Variants in CD3E observed in about 807,000 individuals in gnomAD.
CD3E encodes the protein CD3 epsilon subunit of T-cell receptor complex.
CD3E carries 16 observed loss-of-function variants against 34.7 expected under a neutral mutation model. The ratio of observed to expected loss-of-function variants is 0.46; its 90% CI spans 0.31 to 0.70. The LOEUF (loss-of-function observed/expected upper bound fraction) is 0.70. CD3E is among the 30% of genes least tolerant of loss of function. CD3E has a pLI of 0.05. For missense variants in CD3E, 223 were observed against 253.9 expected (o/e 0.88, Z 0.83); for synonymous variants, 70 against 90.8 (o/e 0.77, Z 1.30).
rs779720983 is a variant in CD3E, at chr11:118,314,458, G to A, written c.531G>A (p.Lys177=). 6.2e-7 allele frequency: 1 copy of A among 1,613,986 alleles called. No individual in the cohort carries two copies. The highest frequency in any genetic ancestry group is 8.5e-7 in the Non-Finnish European group (1 of 1,179,896). ...CTCCTTCCTCCGCAGGACAAAACAAGGAGAGGCCACCACCTGTTCCCAACC... is the reference window on the plus strand; with the variant it reads ...CTCCTTCCTCCGCAGGACAAAACAAAGAGAGGCCACCACCTGTTCCCAACC... ...GAGGRQRGQN[K]ERPPPVPNPD... Residue 177 remains lysine (K), a synonymous_variant, in exon 8 of 9, where the codon AAG becomes AAA. Transcript: ENST00000361763.
intron 6 of CD3E, 48 bp downstream of exon 6, chr11:118,312,914 C>T: frequency 1.9e-6 from 3 of 1,610,256 alleles, no homozygotes; most frequent in Non-Finnish European, 2.5e-6. Flanking sequence ...TAGGGAGGAC[C>T]ATTCAAAAGG....
rs934447043 is a variant in CD3E, at chr11:118,315,492, C to T, written c.574C>T (p.Arg192Trp). 1.2e-6 allele frequency: 2 copies of T among 1,613,490 alleles called. No homozygotes were observed. The highest frequency in any genetic ancestry group is 1.1e-5 in the South Asian group (1 of 90,834). ...PVPNPDYEPI[R>W]KGQRDLYSGL... The stretch of plus-strand genomic sequence containing the variant: ...CTCTCTATTTCACCCCCAGCCCATC[C>T]GGAAAGGCCAGCGGGACCTGTATTC... Residue 192 changes from arginine to tryptophan, a missense_variant, in exon 9 of 9, where the codon CGG (arginine) becomes TGG (tryptophan). By Grantham distance (101) the Arg-to-Trp change is moderately radical (BLOSUM62 -3). Coordinates refer to ENST00000361763, the MANE Select transcript of CD3E (RefSeq NM_000733.4).
intron 6 of CD3E, chr11:118,313,406 T>C (rs1487857886): frequency 1.6e-5 from 7 of 441,168 alleles, no homozygotes. Flanking sequence ...TTTATTCCCA[T>C]GAGTAAAGGG....
chr11:118,311,961 T>C (rs893552481), intron 4 of CD3E, among the ~76,000 whole-genome samples, 192 bp from the exon 5 acceptor site: 1 of 152,180 alleles, frequency 6.6e-6, no homozygotes, highest in Non-Finnish European at 1.5e-5. Flanking sequence ...AGCTACTTAA[T>C]AAATATATCT....
rs1199521236 is a variant in CD3E, at chr11:118,305,153, G to T, written c.49+152G>T. ...GTTAGGGTGAGGGATTAGAGCTGGG[G>T]ACTAAAGAAAAAGATAGGCCACGGG... On this transcript the variant is annotated intron_variant, in intron 2 of 8. Transcript: ENST00000361763. The T allele has an allele frequency of 6.0e-6, 5 of 827,638 alleles. No individual in the cohort carries two copies. The Admixed American group carries it at 1.0e-4, about 17-fold the overall frequency. The allele number at this position is 827,638 out of a possible 1,614,324, so 51.3% of individuals were successfully genotyped here.
At position 118,315,816 on chromosome 11, in the gene CD3E, G is replaced by A. The variant is rs940055607; in HGVS notation, c.*274G>A. The A allele has an allele frequency of 4.8e-5, 28 of 580,130 alleles. No individual in the cohort carries two copies. The Admixed American group carries it at 8.4e-4, about 17-fold the overall frequency. 35.9% of individuals were successfully genotyped at this position (580,130 alleles called of 1,614,324 possible). A position where few individuals can be genotyped will look rare whatever the true frequency, so the allele number is the denominator to read the frequency against. Reference sequence around the variant, plus strand: ...TGCCCTCTTGCCAGGATATTTATTTGTGCTATTCACTCCCTTCCCTTTGGA... The same window carrying A: ...TGCCCTCTTGCCAGGATATTTATTTATGCTATTCACTCCCTTCCCTTTGGA... On this transcript the variant is annotated 3_prime_UTR_variant, in exon 9 of 9. Transcript: ENST00000361763.
In CD3E at chr11:118,304,941, C is replaced by G. The variant is rs1261244978; in HGVS notation, c.-12C>G. 6 of 1,613,488 alleles carry G rather than the reference C, an allele frequency of 3.7e-6. No individual in the cohort carries two copies. Among genetic ancestry groups the G allele is most frequent in the Non-Finnish European group, 5.1e-6 (6 of 1,179,408 alleles). On this transcript the variant is annotated 5_prime_UTR_variant, in exon 2 of 9. Transcript: ENST00000361763. ...CGCCATCTTAGTAAAGTAACAGTCC[C>G]ATGAAACAAAGATGCAGTCGGGCAC...
In CD3E at chr11:118,315,450, G is replaced by A. The variant is rs201490654; in HGVS notation, c.568-36G>A. 6 of 1,591,048 alleles carry A rather than the reference G, an allele frequency of 3.8e-6. No homozygotes were observed. In the African/African-American group the frequency reaches 6.7e-5, roughly 18 times the overall value. On this transcript the variant is annotated intron_variant, in intron 8 of 8. Coordinates refer to ENST00000361763, the MANE Select transcript of CD3E (RefSeq NM_000733.4). Reference sequence around the variant, plus strand: ...CCTTTCTTAGGAGGTACTTCCTCCCGCACCACTGACCGCCCCCTCTCTATT... The same window carrying A: ...CCTTTCTTAGGAGGTACTTCCTCCCACACCACTGACCGCCCCCTCTCTATT...
At chr11:118,314,603 A>C in intron 8 of CD3E, 109 bp downstream of exon 8, 1 of 966,896 alleles carries the variant, frequency 1.0e-6, no homozygotes, top group African/African-American at 1.6e-5. Context: ...AAAGCCCCTC[A>C]CTCAGGGCTT....
At position 118,315,554 on chromosome 11, in the gene CD3E, A is replaced by G. The variant is rs1217234208; in HGVS notation, c.*12A>G. On this transcript the variant is annotated 3_prime_UTR_variant, in exon 9 of 9. Transcript: ENST00000361763. ...AGAGACGCATCTGACCCTCTGGAGA[A>G]CACTGCCTCCCGCTGGCCCAGGTCT... 6.2e-7 allele frequency: 1 copy of G among 1,609,956 alleles called. No homozygotes were observed. Among genetic ancestry groups the G allele is most frequent in the African/African-American group, 1.3e-5 (1 of 74,820 alleles).
At chr11:118,304,837 G>A (rs1006363400) in intron 1 of CD3E, 57 bp from the exon 2 acceptor site, 1 of 863,762 alleles carries the variant, frequency 1.2e-6, no homozygotes, top group African/African-American at 1.7e-5. Context: ...AATGGCCCCA[G>A]GGTCCTTATC....
chr11:118,312,703 T>C lies in CD3E; in HGVS notation c.189T>C (p.Asp63=). ...PGSEILWQHN[D]KNIGGDEDDK... is the part of the protein sequence containing the mutation. ...CTGAAATACTATGGCAACACAATGA[T>C]AAAAACATAGGCGGTGATGAGGATG... The change falls in exon 6 of 9, where the codon GAT becomes GAC. Residue 63 remains aspartate (D), a synonymous_variant. Transcript: ENST00000361763. 1.2e-6 allele frequency: 2 copies of C among 1,614,142 alleles called. No individual in the cohort carries two copies. The highest frequency in any genetic ancestry group is 1.1e-5 in the South Asian group (1 of 91,086).
chr11:118,311,485 T>C (rs1565510990), intron 4 of CD3E, among the ~76,000 whole-genome samples: 1 of 152,202 alleles, frequency 6.6e-6, no homozygotes, highest in East Asian at 1.9e-4. Context: ...TAATGTAAAG[T>C]GAAGCCACTT....
chr11:118,312,630 C>T lies in CD3E; in HGVS notation c.116C>T (p.Ser39Phe). 3.1e-6 allele frequency: 5 copies of T among 1,614,198 alleles called. No homozygotes were observed. The highest frequency in any genetic ancestry group is 3.4e-6 in the Non-Finnish European group (4 of 1,180,038). The change falls in exon 6 of 9, where the codon TCC (serine) becomes TTC (phenylalanine). Residue 39 changes from serine (S) to phenylalanine (F), a missense_variant. Transcript: ENST00000361763. The stretch of plus-strand genomic sequence containing the variant: ...TCTTTCTCCCCAGCATATAAAGTCT[C>T]CATCTCTGGAACCACAGTAATATTG... ...GGITQTPYKV[S>F]ISGTTVILTC... is the part of the protein sequence containing the mutation.
rs1948162008 is a variant in CD3E at position 118,315,604 on chromosome 11, C to T, written c.*62C>T. 7.3e-7 allele frequency: 1 copy of T among 1,368,442 alleles called. No individual in the cohort carries two copies. Among genetic ancestry groups the T allele is most frequent in the South Asian group, 1.2e-5 (1 of 81,070 alleles). The allele number at this position is 1,368,442 out of a possible 1,614,324, so 84.8% of individuals were successfully genotyped here. A position where few individuals can be genotyped will look rare whatever the true frequency, so the allele number is the denominator to read the frequency against. On this transcript the variant is annotated 3_prime_UTR_variant, in exon 9 of 9. Transcript: ENST00000361763. ...TCCTCTCCAGTCCCCCTGCGACTCCCTGTTTCCTGGGCTAGTCTTGGACCC... is the reference window on the plus strand; with the variant it reads ...TCCTCTCCAGTCCCCCTGCGACTCCTTGTTTCCTGGGCTAGTCTTGGACCC...
chr11:118,312,246 G>A (rs765526064), intron 5 of CD3E, 76 bp downstream of exon 5: 3 of 1,268,420 alleles, frequency 2.4e-6, no homozygotes, highest in Non-Finnish European at 3.5e-6. Context: ...AACTGATTGA[G>A]AGAGATTAAC....
At chr11:118,312,238 C>A in intron 5 of CD3E, 68 bp downstream of exon 5, 1 of 1,326,676 alleles carries the variant, frequency 7.5e-7, no homozygotes, top group Admixed American at 1.7e-5. Context: ...TGAGAAGGAA[C>A]TGATTGAGAG....
intron 2 of CD3E, among the ~76,000 whole-genome samples, chr11:118,305,920 A>T (rs1387594802): frequency 1.3e-5 from 2 of 152,174 alleles, no homozygotes; most frequent in African/African-American, 4.8e-5. Context: ...CACAGCAACG[A>T]TGTCTCCACT....
chr11:118,314,575 T>A, intron 8 of CD3E, 81 bp downstream of exon 8: 1 of 1,331,270 alleles, frequency 7.5e-7, no homozygotes, highest in Non-Finnish European at 1.1e-6. Flanking sequence ...ATGGCCCATC[T>A]TGTCTGCCAG....
Sources: gnomAD v4.1 joint callset for allele counts (sites outside exome capture counted in the v4.1 genomes callset) on GRCh38, gnomAD v4.1.1 for gene constraint, MANE v1.5 for transcripts, NCBI Gene and HGNC (gene_info 2026-07-23, HGNC 2026-07-21) for gene names.